The following ARHGAP26 variants were observed in gnomAD, a reference collection of about 807,000 sequenced individuals.
ARHGAP26 encodes the protein Rho GTPase activating protein 26, also known as rho GTPase-activating protein 26.
Under a neutral mutation model 104.8 loss-of-function variants are expected in ARHGAP26, and 38 were observed. That is an observed-to-expected ratio of 0.36 (90% confidence interval 0.28 to 0.48). ARHGAP26 has a LOEUF of 0.48. ARHGAP26 is among the 20% of genes least tolerant of loss of function. The pLI is 0.99. For missense variants in ARHGAP26, 704 were observed against 947.9 expected (o/e 0.74, Z 3.38); for synonymous variants, 341 against 340.0 (o/e 1.00, Z -0.03).
chr5:143,076,812 A>T (rs1789101755), intron 17 of ARHGAP26, among the ~76,000 whole-genome samples: 1 of 152,194 alleles, frequency 6.6e-6, no homozygotes, highest in Non-Finnish European at 1.5e-5. Flanking sequence ...TGAGGTAAAA[A>T]CTAGTTCATC....
At chr5:143,165,685 C>A (rs964267477) in intron 20 of ARHGAP26, among the ~76,000 whole-genome samples, 2 of 152,190 alleles carry the variant, frequency 1.3e-5, no homozygotes, top group Non-Finnish European at 2.9e-5. Flanking sequence ...ACGTTGTACC[C>A]AATGGGTAAT....
chr5:142,824,138 ATGTG>A (rs139907602), intron 1 of ARHGAP26, among the ~76,000 whole-genome samples: 1 of 151,138 alleles, frequency 6.6e-6, no homozygotes, highest in Non-Finnish European at 1.5e-5. Flanking sequence ...TGTTGTGTGT[ATGTG>A]TGTGTGTGTG....
chr5:143,211,608 C>T (rs942639335), intron 21 of ARHGAP26, among the ~76,000 whole-genome samples: 1 of 150,528 alleles, frequency 6.6e-6, no homozygotes, highest in Non-Finnish European at 1.5e-5. Flanking sequence ...CAGGGTCTCA[C>T]TTGACTAGAG....
chr5:143,171,662 T>A (rs939298930), intron 20 of ARHGAP26, among the ~76,000 whole-genome samples: 3 of 152,192 alleles, frequency 2.0e-5, no homozygotes, highest in Non-Finnish European at 4.4e-5. Context: ...TCAGGTAAGC[T>A]ATTTTTTTCC....
At chr5:142,797,395 A>G (rs1168564122) in intron 1 of ARHGAP26, among the ~76,000 whole-genome samples, 2 of 152,234 alleles carry the variant, frequency 1.3e-5, no homozygotes, top group African/African-American at 2.4e-5. Flanking sequence ...TCAAGTGGGC[A>G]ACAAGATGAA....
chr5:143,025,237 G>A (rs1780885006), intron 12 of ARHGAP26, among the ~76,000 whole-genome samples: 1 of 152,196 alleles, frequency 6.6e-6, no homozygotes, highest in African/African-American at 2.4e-5. Context: ...TCAGAGAGGT[G>A]AAGTATGCCC....
chr5:143,015,018 T>TC (rs901436990), intron 12 of ARHGAP26, among the ~76,000 whole-genome samples: 4 of 151,944 alleles, frequency 2.6e-5, no homozygotes, highest in East Asian at 1.9e-4. Flanking sequence ...CAGAGATTTT[T>TC]CCCCCCCTTT....
At chr5:143,101,990 T>C (rs1293100940) in intron 17 of ARHGAP26, among the ~76,000 whole-genome samples, 1 of 151,948 alleles carries the variant, frequency 6.6e-6, no homozygotes, top group Non-Finnish European at 1.5e-5. Flanking sequence ...CTGGAGAACA[T>C]GAAACAATAG....
intron 5 of ARHGAP26, among the ~76,000 whole-genome samples, chr5:142,892,063 A>G (rs1329076271): frequency 6.6e-6 from 1 of 151,882 alleles, no homozygotes; most frequent in Admixed American, 6.5e-5. Flanking sequence ...GCACAGAGGG[A>G]GAAGTGAAAT....
chr5:142,854,990 A>T (rs1288517287), intron 1 of ARHGAP26, among the ~76,000 whole-genome samples: 1 of 152,012 alleles, frequency 6.6e-6, no homozygotes, highest in African/African-American at 2.4e-5. Flanking sequence ...TTGCCTCCAC[A>T]TCATATATGA....
At chr5:142,938,986 A>G (rs922830848) in intron 11 of ARHGAP26, among the ~76,000 whole-genome samples, 3 of 152,234 alleles carry the variant, frequency 2.0e-5, no homozygotes, top group African/African-American at 7.2e-5. Flanking sequence ...CTTTAGCATC[A>G]ACAATTGTGT....
At chr5:142,816,538 C>A (rs947965472) in intron 1 of ARHGAP26, among the ~76,000 whole-genome samples, 31 of 152,106 alleles carry the variant, frequency 2.0e-4, no homozygotes, top group African/African-American at 6.8e-4. Flanking sequence ...CCATGTGCGC[C>A]CTGGGCCTTG....
At chr5:142,890,186 A>ATATATC (rs1186564763) in intron 5 of ARHGAP26, among the ~76,000 whole-genome samples, 1 of 118,518 alleles carries the variant, frequency 8.4e-6, no homozygotes, top group Non-Finnish European at 1.8e-5. Context: ...ATATATATAT[A>ATATATC]TATATATATA....
rs575332225 is a variant in ARHGAP26, at chr5:142,901,620, T to A, written c.598-315T>A. ...CACAGGGCAAGGGCATGGGTGTTGA[T>A]GCCAAGGAGACCTGGTTTCAAGTTC... On this transcript the variant is annotated intron_variant, in intron 6 of 22. Coordinates refer to ENST00000645722, the MANE Select transcript of ARHGAP26 (RefSeq NM_001135608.3). Among the ~76,000 whole-genome samples, 22 of 152,346 alleles carry A rather than the reference T, an allele frequency of 1.4e-4. No homozygotes were observed. In the South Asian group the frequency reaches 3.9e-3, roughly 27 times the overall value.
intron 1 of ARHGAP26, 21 bp from the exon 2 acceptor site, chr5:142,873,379 T>A (rs1343287427): frequency 6.3e-7 from 1 of 1,578,198 alleles, no homozygotes; most frequent in Admixed American, 1.9e-5. Context: ...TTCCTGATTT[T>A]TCCTGTCTTT....
rs2151444582 is a variant in ARHGAP26, at chr5:143,226,891, G to A, written c.*4445G>A. On this transcript the variant is annotated 3_prime_UTR_variant, in exon 23 of 23. Transcript: ENST00000645722. ...CATCCCAAGGCACTTGCCCAGAGCT[G>A]CAGAGTTGTGTGTGCCATACCTGCG... 4.4e-6 allele frequency: 1 copy of A among 226,292 alleles called. No individual in the cohort carries two copies. Among genetic ancestry groups the A allele is most frequent in the Non-Finnish European group, 8.8e-6 (1 of 113,736 alleles). 14.0% of individuals were successfully genotyped at this position (226,292 alleles called of 1,614,324 possible). A position where few individuals can be genotyped will look rare whatever the true frequency, so the allele number is the denominator to read the frequency against.
chr5:143,001,645 G>A (rs985900321), intron 11 of ARHGAP26, among the ~76,000 whole-genome samples: 2 of 152,230 alleles, frequency 1.3e-5, no homozygotes, highest in African/African-American at 2.4e-5. Flanking sequence ...TCCTGGAGTC[G>A]GAAGTGGAGT....
At chr5:142,889,470 T>C (rs1370771718) in intron 5 of ARHGAP26, among the ~76,000 whole-genome samples, 3 of 151,774 alleles carry the variant, frequency 2.0e-5, no homozygotes, top group Non-Finnish European at 4.4e-5. Flanking sequence ...AAAAAAAAAT[T>C]AGCTAGATGT....
chr5:142,989,903 A>G (rs1229775895), intron 11 of ARHGAP26, among the ~76,000 whole-genome samples: 3 of 151,022 alleles, frequency 2.0e-5, no homozygotes, highest in African/African-American at 7.3e-5. Flanking sequence ...CCTTCATTTC[A>G]GCTTTGGTGA....
Sources: allele counts gnomAD v4.1 joint callset (sites outside exome capture counted in the v4.1 genomes callset), GRCh38; gene constraint gnomAD v4.1.1; transcripts MANE v1.5; gene names NCBI Gene and HGNC (gene_info 2026-07-23, HGNC 2026-07-21).